AR: variants seen among roughly 807,000 people sequenced by gnomAD.
The protein encoded by AR is androgen receptor.
A neutral mutation model predicts 53.9 loss-of-function variants in AR; 8 were observed. The observed-to-expected ratio is 0.15, with a 90% CI of 0.09 to 0.27. AR has a LOEUF of 0.27. Among genes scored for constraint, AR ranks in the 10% least tolerant of loss-of-function variants. The pLI, the probability that AR is intolerant of heterozygous loss-of-function variation, is 1.00. For synonymous variants in AR, 359 were observed against 316.4 expected, an observed-to-expected ratio of 1.13 and a Z score of -1.43; for missense variants, 639 against 742.5, an observed-to-expected ratio of 0.86 and a Z score of 1.62.
At chrX:67,661,830 T>C (rs1348574838) in intron 2 of AR, among the ~76,000 whole-genome samples, 1 of 111,709 alleles carries the variant, frequency 9.0e-6, no homozygotes, top group Non-Finnish European at 1.9e-5. Flanking sequence ...CTGGACTTTT[T>C]TTGATTGGTA....
intron 1 of AR, among the ~76,000 whole-genome samples, chrX:67,572,176 G>A (rs773927810): frequency 1.8e-5 from 2 of 111,841 alleles, no homozygotes; most frequent in South Asian, 7.4e-4. Context: ...AATATTCTGA[G>A]ATTGTCTTCT....
At chrX:67,570,470 C>T (rs898556867) in intron 1 of AR, among the ~76,000 whole-genome samples, 6 of 111,905 alleles carry the variant, frequency 5.4e-5, no homozygotes, top group African/African-American at 1.9e-4. Flanking sequence ...AAAAATTATG[C>T]ACAGTGTGTC....
At chrX:67,659,389 C>A (rs1373648041) in intron 2 of AR, among the ~76,000 whole-genome samples, 2 of 110,416 alleles carry the variant, frequency 1.8e-5, no homozygotes, top group African/African-American at 6.6e-5. Flanking sequence ...CACCACAGGC[C>A]CTAGTGTGTG....
At chrX:67,667,185 G>T (rs1160078554) in intron 2 of AR, among the ~76,000 whole-genome samples, 2 of 111,808 alleles carry the variant, frequency 1.8e-5, no homozygotes, top group East Asian at 2.8e-4. Flanking sequence ...TAGTTTCATG[G>T]ATTGATGTCT....
In AR at chrX:67,552,569, C is replaced by A. The variant is rs1930036589; in HGVS notation, c.1616+5807C>A. Among the ~76,000 whole-genome samples, 3 of 112,406 alleles carry A rather than the reference C, an allele frequency of 2.7e-5. No homozygotes were observed. In the South Asian group the frequency reaches 1.1e-3, roughly 41 times the overall value. On this transcript the variant is annotated intron_variant, in intron 1 of 7. Transcript: ENST00000374690. ...TTGGATACATACATAGGATTGAAAT[C>A]TCTGAGTCATATGATACCTCTGTGT... is the stretch of plus-strand genomic sequence containing the variant.
At chrX:67,633,492 G>T (rs1925273626) in intron 1 of AR, among the ~76,000 whole-genome samples, 1 of 111,801 alleles carries the variant, frequency 8.9e-6, no homozygotes, top group Non-Finnish European at 1.9e-5. Flanking sequence ...AGTATACTAT[G>T]GTGTACATGT....
chrX:67,711,607 C>T lies in AR; in HGVS notation c.2091C>T (p.Ser697=). 8.3e-7 allele frequency: 1 copy of T among 1,210,981 alleles called. No individual in the cohort carries two copies. The part of the protein sequence containing the change: ...CAGHDNNQPD[S]FAALLSSLNE... ...GACACGACAACAACCAGCCCGACTC[C>T]TTTGCAGCCTTGCTCTCTAGCCTCA... is the stretch of plus-strand genomic sequence containing the variant. The change falls in exon 4 of 8, where the codon TCC becomes TCT. Residue 697 remains serine (S), a synonymous_variant. Coordinates refer to ENST00000374690, the MANE Select transcript of AR (RefSeq NM_000044.6).
chrX:67,558,871 A>T (rs967807897), intron 1 of AR, among the ~76,000 whole-genome samples: 8 of 112,448 alleles, frequency 7.1e-5, no homozygotes, highest in African/African-American at 2.6e-4. Context: ...TGAGGTAGCT[A>T]CAATTATCAT....
intron 3 of AR, among the ~76,000 whole-genome samples, chrX:67,698,285 C>G (rs1283456941): frequency 8.9e-6 from 1 of 112,511 alleles, no homozygotes; most frequent in East Asian, 2.8e-4. Context: ...TCCCTTGACT[C>G]TAATCCTAGT....
intron 5 of AR, 57 bp from the exon 6 acceptor site, chrX:67,721,776 C>T (rs1569315729): frequency 1.7e-6 from 2 of 1,203,310 alleles, no homozygotes; most frequent in Non-Finnish European, 2.3e-6. Context: ...GACATTCCCT[C>T]TGGGCTTATT....
chrX:67,680,306 G>A (rs1375458331), intron 2 of AR, among the ~76,000 whole-genome samples: 4 of 111,425 alleles, frequency 3.6e-5, no homozygotes, highest in Admixed American at 2.9e-4. Flanking sequence ...TGTACAGCAG[G>A]GAATGTCTTA....
intron 1 of AR, among the ~76,000 whole-genome samples, chrX:67,575,369 C>G (rs1384477901): frequency 9.0e-6 from 1 of 111,458 alleles, no homozygotes; most frequent in African/African-American, 3.3e-5. Flanking sequence ...TTTTCTATTA[C>G]AAAACATTGA....
intron 2 of AR, among the ~76,000 whole-genome samples, chrX:67,669,566 A>G (rs1927439925): frequency 8.9e-6 from 1 of 112,029 alleles, no homozygotes; most frequent in African/African-American, 3.2e-5. Context: ...CATTTAAGAC[A>G]TAATGCAGAT....
At chrX:67,600,672 T>C (rs1313698202) in intron 1 of AR, among the ~76,000 whole-genome samples, 1 of 111,322 alleles carries the variant, frequency 9.0e-6, no homozygotes, top group Admixed American at 9.6e-5. Context: ...AATAATTTAA[T>C]TGTACATTTT....
At chrX:67,708,799 T>G (rs1028237183) in intron 3 of AR, among the ~76,000 whole-genome samples, 2 of 111,839 alleles carry the variant, frequency 1.8e-5, no homozygotes, top group Non-Finnish European at 3.8e-5. Context: ...TTGATGATGG[T>G]GACATACAGA....
rs1256875413 is a variant in AR, at chrX:67,728,259, T to G, written c.*4418T>G. ...ATGGGATTATGGGTCCTTCACTAAG[T>G]GATTTTATAAGCAGAACTGGCTTTC... On this transcript the variant is annotated 3_prime_UTR_variant, in exon 8 of 8. Coordinates refer to ENST00000374690, the MANE Select transcript of AR (RefSeq NM_000044.6). 2 of 164,235 alleles carry G rather than the reference T, an allele frequency of 1.2e-5. No homozygotes were observed. The highest frequency in any genetic ancestry group is 2.3e-5 in the Non-Finnish European group (2 of 86,752). 13.5% of individuals were successfully genotyped at this position (164,235 alleles called of 1,213,427 possible).
intron 2 of AR, among the ~76,000 whole-genome samples, chrX:67,676,865 T>C (rs957194118): frequency 8.9e-6 from 1 of 111,992 alleles, no homozygotes; most frequent in African/African-American, 3.2e-5. Context: ...TTGTCTTTAA[T>C]ATGCTTGCTT....
At chrX:67,592,010 T>C (rs1922853032) in intron 1 of AR, among the ~76,000 whole-genome samples, 1 of 112,473 alleles carries the variant, frequency 8.9e-6, no homozygotes, top group African/African-American at 3.2e-5. Context: ...AGCTAAGAGA[T>C]GCATGCTGAC....
chrX:67,601,331 G>A lies in AR; in HGVS notation c.1617-41925G>A, dbSNP rs763746550. Among the ~76,000 whole-genome samples the A allele has an allele frequency of 9.9e-5, 11 of 111,536 alleles. No individual in the cohort carries two copies. In the South Asian group the frequency reaches 4.1e-3, roughly 42 times the overall value. ...AACTGGGGAATAAAAGTACATTTTGGCCCATTTACTCCTTAAATAATTTTA... is the reference window on the plus strand; with the variant it reads ...AACTGGGGAATAAAAGTACATTTTGACCCATTTACTCCTTAAATAATTTTA... On this transcript the variant is annotated intron_variant, in intron 1 of 7. Transcript: ENST00000374690.
Sources: allele counts gnomAD v4.1 joint callset (sites outside exome capture counted in the v4.1 genomes callset), GRCh38; gene constraint gnomAD v4.1.1; transcripts MANE v1.5; gene names NCBI Gene and HGNC (gene_info 2026-07-23, HGNC 2026-07-21).